The following CAMTA1 variants were observed in gnomAD, a reference collection of about 807,000 sequenced individuals.
The protein encoded by CAMTA1 is calmodulin binding transcription activator 1, also known as calmodulin-binding transcription activator 1.
CAMTA1 carries 27 observed loss-of-function variants against 170.9 expected under a neutral mutation model. That is an observed-to-expected ratio of 0.16 (90% CI 0.12 to 0.22). CAMTA1 has a LOEUF of 0.22. CAMTA1 is among the 10% of genes least tolerant of loss of function. The pLI is 1.00. For synonymous variants in CAMTA1, 833 were observed against 891.5 expected (o/e 0.93, Z 1.17); for missense variants, 1,619 against 2,217.2 (o/e 0.73, Z 5.42).
rs1649523833 is a variant in CAMTA1 at position 7,171,196 on chromosome 1, A to G, written c.303-78295A>G. ...GAAAATGCAGCTTGTTCCTTGTTCC[A>G]TTTGTCCAGTGGCCAGTTCAAGAAA... On this transcript the variant is annotated intron_variant, in intron 4 of 22. Coordinates refer to ENST00000303635, the MANE Select transcript of CAMTA1 (RefSeq NM_015215.4). Among the ~76,000 whole-genome samples the G allele has an allele frequency of 2.0e-5, 3 of 152,270 alleles. No homozygotes were observed. In the South Asian group the frequency reaches 6.2e-4, roughly 32 times the overall value.
rs538496179 is a variant in CAMTA1, at chr1:7,680,509, G to C, written c.2914+2776G>C. Among the ~76,000 whole-genome samples the C allele has an allele frequency of 2.6e-5, 4 of 151,242 alleles. 1 individual carries two copies. In the South Asian group the frequency reaches 8.3e-4, roughly 32 times the overall value. ...GCAGCCGCAATGCGGGGCCCTTCGCGGAACTGCTGGCGGCGCCGCGCCCCG... is the reference window on the plus strand; with the variant it reads ...GCAGCCGCAATGCGGGGCCCTTCGCCGAACTGCTGGCGGCGCCGCGCCCCG... On this transcript the variant is annotated intron_variant, in intron 11 of 22. Coordinates refer to ENST00000303635, the MANE Select transcript of CAMTA1 (RefSeq NM_015215.4). This position sits in a 1 kb window ranked among gnomAD's most constrained non-coding sequence, Gnocchi z 4.4.
chr1:7,075,971 G>C (rs1172777307), intron 3 of CAMTA1, among the ~76,000 whole-genome samples: 1 of 152,158 alleles, frequency 6.6e-6, no homozygotes, highest in African/African-American at 2.4e-5. Flanking sequence ...CCCAATCTCA[G>C]TGATTTTAGA....
At chr1:7,755,453 TA>T (rs1183790799) in intron 21 of CAMTA1, among the ~76,000 whole-genome samples, 184 bp from the exon 22 acceptor site, 1 of 152,122 alleles carries the variant, frequency 6.6e-6, no homozygotes, top group Non-Finnish European at 1.5e-5. Context: ...CCCAATTTTT[TA>T]AGACTTAAAT....
Position 7,509,196 on chromosome 1 carries a change from T to G in CAMTA1, c.510+41295T>G, listed in dbSNP as rs1464662637. On this transcript the variant is annotated intron_variant, in intron 6 of 22. Coordinates refer to ENST00000303635, the MANE Select transcript of CAMTA1 (RefSeq NM_015215.4). ...TGCTTCTGTCACCACTTTTTTCAAT[T>G]TAAAGGAGAGTGTGTTGGAACCGTC... Among the ~76,000 whole-genome samples the G allele has an allele frequency of 2.0e-5, 3 of 152,230 alleles. No homozygotes were observed. In the East Asian group the frequency reaches 5.8e-4, roughly 29 times the overall value.
intron 5 of CAMTA1, among the ~76,000 whole-genome samples, chr1:7,379,361 G>A (rs1265149660): frequency 2.0e-5 from 3 of 152,078 alleles, no homozygotes; most frequent in South Asian, 2.1e-4. Flanking sequence ...AATATGTGAT[G>A]GAATCCTTAA....
chr1:7,663,634 A>G lies in CAMTA1; in HGVS notation c.1087A>G (p.Ser363Gly). 1 of 1,614,176 alleles carries G rather than the reference A, an allele frequency of 6.2e-7. No homozygotes were observed. The highest frequency in any genetic ancestry group is 8.5e-7 in the Non-Finnish European group (1 of 1,180,032). Residue 363 changes from serine (S) to glycine (G), a missense_variant, in exon 9 of 23, where the codon AGC (serine) becomes GGC (glycine). By Grantham distance (56) the Ser-to-Gly change is moderately conservative. Transcript: ENST00000303635. ...DTTQSSPVSI[S>G]SGLNSDPDMV... ...CACCCAGAGCTCCCCTGTGTCCATC[A>G]GCAGCGGGCTCAACAGCGACCCGGA...
intron 5 of CAMTA1, among the ~76,000 whole-genome samples, chr1:7,290,762 G>A (rs528789534): frequency 2.8e-4 from 42 of 151,768 alleles, no homozygotes; most frequent in African/African-American, 9.7e-4. Flanking sequence ...TGGCTCTCGG[G>A]GACTCTCCGA....
At chr1:7,310,712 T>G (rs370071191) in intron 5 of CAMTA1, among the ~76,000 whole-genome samples, 1 of 63,364 alleles carries the variant, frequency 1.6e-5, no homozygotes, top group Non-Finnish European at 2.7e-5. Flanking sequence ...CTTTCTTTCT[T>G]TCTTTCTTTC....
chr1:7,337,645 A>G (rs1039965641), intron 5 of CAMTA1, among the ~76,000 whole-genome samples: 15 of 144,288 alleles, frequency 1.0e-4, no homozygotes, highest in African/African-American at 3.4e-4. Flanking sequence ...TCCAATCACA[A>G]TGTGGGCGGT....
chr1:7,528,069 C>G (rs2094449792), intron 6 of CAMTA1, among the ~76,000 whole-genome samples: 1 of 152,318 alleles, frequency 6.6e-6, no homozygotes, highest in African/African-American at 2.4e-5. Flanking sequence ...ATCCCACAGC[C>G]CAGACAAAGG....
intron 5 of CAMTA1, among the ~76,000 whole-genome samples, chr1:7,284,191 T>TATTATTATTATTATTATC (rs1557438768): frequency 7.4e-6 from 1 of 135,546 alleles, no homozygotes; most frequent in Non-Finnish European, 1.5e-5. Context: ...TTATTATTAT[T>TATTATTATTATTATTATC]ATTATTATTA....
intron 4 of CAMTA1, among the ~76,000 whole-genome samples, chr1:7,106,148 T>C (rs1472358896): frequency 6.6e-6 from 1 of 152,116 alleles, no homozygotes; most frequent in African/African-American, 2.4e-5. Context: ...TCTGAGTATC[T>C]TACAGGCTGC....
intron 11 of CAMTA1, among the ~76,000 whole-genome samples, chr1:7,695,590 G>C (rs903274954): frequency 2.0e-5 from 3 of 152,256 alleles, no homozygotes; most frequent in African/African-American, 7.2e-5. Flanking sequence ...TAGGCCCTGG[G>C]GGGCAGCAGA....
chr1:6,900,646 C>T (rs929163642), intron 3 of CAMTA1, among the ~76,000 whole-genome samples: 28 of 152,034 alleles, frequency 1.8e-4, no homozygotes. Flanking sequence ...TAGCAACAAA[C>T]AATTGGAAGA....
chr1:7,314,062 A>G (rs569864808), intron 5 of CAMTA1, among the ~76,000 whole-genome samples: 67 of 152,366 alleles, frequency 4.4e-4, no homozygotes, highest in Non-Finnish European at 7.9e-4. Flanking sequence ...GCAAAGGCAG[A>G]AAGTTCATCC....
At chr1:7,009,708 C>A (rs12061138) in intron 3 of CAMTA1, among the ~76,000 whole-genome samples, 251 of 152,386 alleles carry the variant, frequency 1.6e-3, no homozygotes, top group African/African-American at 5.6e-3. Context: ...CACTCCCAAC[C>A]TTGCCTCCCA....
intron 5 of CAMTA1, among the ~76,000 whole-genome samples, chr1:7,303,465 C>G (rs1484880470): frequency 6.6e-6 from 1 of 152,148 alleles, no homozygotes. Flanking sequence ...TCGTTTTTAG[C>G]CACAACTATA....
At chr1:6,868,442 C>A (rs954147085) in intron 3 of CAMTA1, among the ~76,000 whole-genome samples, 1 of 151,994 alleles carries the variant, frequency 6.6e-6, no homozygotes, top group African/African-American at 2.4e-5. Flanking sequence ...TATGACTCTG[C>A]ATTTTCTTGG....
intron 3 of CAMTA1, among the ~76,000 whole-genome samples, chr1:7,016,585 G>A (rs1183931233): frequency 6.6e-6 from 1 of 152,220 alleles, no homozygotes; most frequent in African/African-American, 2.4e-5. Flanking sequence ...TGTAATCCCA[G>A]CACTTGGGGA....
Sources: allele counts gnomAD v4.1 joint callset (sites outside exome capture counted in the v4.1 genomes callset), GRCh38; gene constraint gnomAD v4.1.1; non-coding constraint Gnocchi (gnomAD v3.1); transcripts MANE v1.5; gene names NCBI Gene and HGNC (gene_info 2026-07-23, HGNC 2026-07-21).